The following DIS3L2 variants were observed in gnomAD, a reference collection of about 807,000 sequenced individuals.
DIS3L2 encodes DIS3 like 3'-5' exoribonuclease 2, also known as DIS3-like exonuclease 2.
DIS3L2 carries 34 observed loss-of-function variants against 97.5 expected under a neutral mutation model. That is an observed-to-expected ratio of 0.35 (90% CI 0.27 to 0.46). DIS3L2 has a LOEUF of 0.46. DIS3L2 is among the 20% of genes least tolerant of loss of function. The pLI is 1.00. For synonymous variants in DIS3L2, 435 were observed against 445.2 expected, an observed-to-expected ratio of 0.98 and a Z score of 0.29; for missense variants, 1,038 against 1,146.0, an observed-to-expected ratio of 0.91 and a Z score of 1.36.
intron 16 of DIS3L2, 77 bp from the exon 17 acceptor site, chr2:232,333,763 C>CAGG: frequency 6.9e-7 from 1 of 1,448,184 alleles, no homozygotes. Flanking sequence ...GACGGTGAGG[C>CAGG]TGTGGGTGGT....
At chr2:232,329,716 G>A (rs1281054455) in intron 14 of DIS3L2, 97 bp from the exon 15 acceptor site, 17 of 1,245,714 alleles carry the variant, frequency 1.4e-5, no homozygotes, top group Non-Finnish European at 1.7e-5. Flanking sequence ...GACCTGAAGG[G>A]TGATTGATAG....
chr2:232,329,389 G>A lies in DIS3L2; in HGVS notation c.1740-424G>A, dbSNP rs543421703. 9 of 163,054 alleles carry A rather than the reference G, an allele frequency of 5.5e-5. No homozygotes were observed. In the South Asian group the frequency reaches 6.1e-4, roughly 11 times the overall value. The allele number at this position is 163,054 out of a possible 1,614,324, so 10.1% of individuals were successfully genotyped here. On this transcript the variant is annotated intron_variant, in intron 14 of 20. Coordinates refer to ENST00000325385, the MANE Select transcript of DIS3L2 (RefSeq NM_152383.5). ...GCCCCAGGGTTCCCATGCCCTGGGCGAGCATGGTGCCCTCTTACAGCCTGG... is the reference window on the plus strand; with the variant it reads ...GCCCCAGGGTTCCCATGCCCTGGGCAAGCATGGTGCCCTCTTACAGCCTGG...
In DIS3L2 at chr2:231,972,126, A is replaced by C. The variant is rs1692934975; in HGVS notation, c.-94+10361A>C. Among the ~76,000 whole-genome samples, 4 of 151,846 alleles carry C rather than the reference A, an allele frequency of 2.6e-5. No individual in the cohort carries two copies. The South Asian group carries it at 8.3e-4, about 32-fold the overall frequency. ...CTTGAACCTGGGAGGCGGAGGTTGC[A>C]GTGAGCCGAGATCGCGCCACTGCAC... On this transcript the variant is annotated intron_variant, in intron 1 of 20. Transcript: ENST00000325385.
chr2:232,328,292 G>C (rs6713534), intron 14 of DIS3L2, among the ~76,000 whole-genome samples: 1 of 152,164 alleles, frequency 6.6e-6, no homozygotes, highest in Admixed American at 6.5e-5. Flanking sequence ...TAGTCCCCAG[G>C]GGAGGCGCTA....
At chr2:232,141,288 C>T (rs931585626) in intron 8 of DIS3L2, among the ~76,000 whole-genome samples, 2 of 152,086 alleles carry the variant, frequency 1.3e-5, no homozygotes, top group Non-Finnish European at 2.9e-5. Flanking sequence ...GTCATGGTTT[C>T]TTCTTGACTA....
At chr2:232,127,974 A>C (rs185814901) in intron 6 of DIS3L2, among the ~76,000 whole-genome samples, 7 of 151,998 alleles carry the variant, frequency 4.6e-5, no homozygotes, top group Admixed American at 3.3e-4. Flanking sequence ...TTTTTGAGAC[A>C]GGGGCTCACT....
At chr2:232,244,073 A>G (rs1693177756) in intron 11 of DIS3L2, among the ~76,000 whole-genome samples, 1 of 152,244 alleles carries the variant, frequency 6.6e-6, no homozygotes, top group African/African-American at 2.4e-5. Context: ...TGGAGAATAA[A>G]CAAGTCTTAT....
chr2:232,175,413 C>T (rs1199645054), intron 9 of DIS3L2, among the ~76,000 whole-genome samples: 1 of 152,106 alleles, frequency 6.6e-6, no homozygotes, highest in Non-Finnish European at 1.5e-5. Context: ...ATTTGGTTTA[C>T]TGGATTCCTT....
At chr2:232,285,083 T>C (rs930320601) in intron 13 of DIS3L2, among the ~76,000 whole-genome samples, 4 of 152,222 alleles carry the variant, frequency 2.6e-5, no homozygotes, top group Non-Finnish European at 5.9e-5. Context: ...CTAGTTCTTA[T>C]ATTGATCTTA....
chr2:232,080,365 G>T (rs1574858377), intron 5 of DIS3L2, among the ~76,000 whole-genome samples: 1 of 152,096 alleles, frequency 6.6e-6, no homozygotes, highest in Admixed American at 6.5e-5. Flanking sequence ...ATTGAGCTAG[G>T]CACTTAACTT....
intron 13 of DIS3L2, among the ~76,000 whole-genome samples, chr2:232,296,164 G>A (rs187608019): frequency 1.3e-5 from 2 of 152,192 alleles, no homozygotes; most frequent in South Asian, 2.1e-4. Context: ...AGGGTGAGTA[G>A]CAATAGCATC....
At chr2:232,010,112 A>G (rs1412873302) in intron 1 of DIS3L2, among the ~76,000 whole-genome samples, 1 of 152,140 alleles carries the variant, frequency 6.6e-6, no homozygotes, top group Non-Finnish European at 1.5e-5. Context: ...GATTCAGTAG[A>G]TTTTCTTGGA....
At chr2:232,054,273 A>C (rs150549445) in intron 5 of DIS3L2, among the ~76,000 whole-genome samples, 2 of 152,360 alleles carry the variant, frequency 1.3e-5, no homozygotes, top group East Asian at 3.9e-4. Context: ...ATATCATTGA[A>C]TATAACATAG....
intron 6 of DIS3L2, among the ~76,000 whole-genome samples, chr2:232,092,477 C>T (rs1184711733): frequency 6.6e-6 from 1 of 151,816 alleles, no homozygotes; most frequent in Non-Finnish European, 1.5e-5. Flanking sequence ...TGCATTGAAT[C>T]TGTAGATTGC....
chr2:232,077,957 CTTTCTTTCTT>C (rs1253245444), intron 5 of DIS3L2, among the ~76,000 whole-genome samples: 1 of 32,078 alleles, frequency 3.1e-5, no homozygotes, highest in Non-Finnish European at 6.4e-5. Context: ...CTTTCTTTCT[CTTTCTTTCTT>C]TCTTTCTTTC....
At chr2:232,128,702 G>A (rs979251605) in intron 6 of DIS3L2, among the ~76,000 whole-genome samples, 4 of 151,890 alleles carry the variant, frequency 2.6e-5, no homozygotes, top group African/African-American at 9.7e-5. Context: ...TGATCCTTCT[G>A]CCCTGGCCTC....
In DIS3L2 at chr2:232,166,346, G is replaced by A. The variant is rs115212721; in HGVS notation, c.1124+2714G>A. 7.3e-3 allele frequency among the ~76,000 whole-genome samples: 1,115 copies of A among 152,256 alleles called. 19 individuals carry two copies. Among genetic ancestry groups the A allele is most frequent in the African/African-American group, 0.026 (1,060 of 41,548 alleles). ...ACACACCACACACACACACGCGTGCGCGCGCGCCCTGTGAAAGGATCCAAA... is the reference window on the plus strand; with the variant it reads ...ACACACCACACACACACACGCGTGCACGCGCGCCCTGTGAAAGGATCCAAA... On this transcript the variant is annotated intron_variant, in intron 9 of 20. Coordinates refer to ENST00000325385, the MANE Select transcript of DIS3L2 (RefSeq NM_152383.5).
intron 3 of DIS3L2, chr2:232,015,940 C>T (rs749295987): frequency 3.6e-6 from 1 of 275,730 alleles, no homozygotes; most frequent in Non-Finnish European, 6.9e-6. Flanking sequence ...TTAGGATTGT[C>T]TAGAGATGCT....
chr2:232,252,947 TAAAA>T lies in DIS3L2; in HGVS notation c.1425+3604_1425+3607del, dbSNP rs371276986. ...GAGACCTTGTGTGGATGAAAAAAAATAAAAAACAGACACCAGAGAGTGAGCTCTC... is the reference window on the plus strand; with the variant it reads ...GAGACCTTGTGTGGATGAAAAAAAATAACAGACACCAGAGAGTGAGCTCTC... On this transcript the variant is annotated intron_variant, in intron 12 of 20. Transcript: ENST00000325385. Among the ~76,000 whole-genome samples, 68 of 152,092 alleles carry T rather than the reference TAAAA, an allele frequency of 4.5e-4. 1 individual carries two copies. The East Asian group carries it at 0.012, about 26-fold the overall frequency.
Sources: allele counts gnomAD v4.1 joint callset (sites outside exome capture counted in the v4.1 genomes callset), GRCh38; gene constraint gnomAD v4.1.1; transcripts MANE v1.5; gene names NCBI Gene and HGNC (gene_info 2026-07-23, HGNC 2026-07-21).